Variants in ADGRB3 observed in about 807,000 individuals in gnomAD.
The protein encoded by ADGRB3 is adhesion G protein-coupled receptor B3.
Under a neutral mutation model 193.4 loss-of-function variants are expected in ADGRB3, and 37 were observed. The observed-to-expected ratio is 0.19, with a 90% CI of 0.15 to 0.25. The LOEUF is 0.25. Among genes scored for constraint, ADGRB3 ranks in the 10% least tolerant of loss-of-function variants. The pLI, the probability that ADGRB3 is intolerant of heterozygous loss-of-function variation, is 1.00. For synonymous variants in ADGRB3, 690 were observed against 644.2 expected, an observed-to-expected ratio of 1.07 and a Z score of -1.08; for missense variants, 1,637 against 1,852.9, an observed-to-expected ratio of 0.88 and a Z score of 2.14.
chr6:68,977,897 T>C (rs1276108538), intron 10 of ADGRB3, among the ~76,000 whole-genome samples: 1 of 151,574 alleles, frequency 6.6e-6, no homozygotes, highest in Non-Finnish European at 1.5e-5. Flanking sequence ...GCGCAATTGT[T>C]CCAAAACCTA....
chr6:69,004,974 C>T (rs1769704013), intron 11 of ADGRB3, among the ~76,000 whole-genome samples: 1 of 152,108 alleles, frequency 6.6e-6, no homozygotes, highest in Non-Finnish European at 1.5e-5. Context: ...GCAGGCTTCT[C>T]TCACATGGTG....
chr6:69,217,703 A>C (rs533075362), intron 17 of ADGRB3, among the ~76,000 whole-genome samples: 24 of 152,292 alleles, frequency 1.6e-4, no homozygotes, highest in Admixed American at 9.8e-4. Flanking sequence ...TGATGTAAGC[A>C]TGTTCTCTCC....
chr6:69,217,908 A>T (rs575647026), intron 17 of ADGRB3, among the ~76,000 whole-genome samples: 11 of 112,130 alleles, frequency 9.8e-5, no homozygotes, highest in African/African-American at 2.6e-4. Flanking sequence ...ATTCAGTTTT[A>T]AAAAAAACTA....
intron 23 of ADGRB3, chr6:69,332,531 A>T: frequency 1.0e-6 from 1 of 985,390 alleles, no homozygotes; most frequent in African/African-American, 1.7e-5. Context: ...CCCTAACCTC[A>T]TACTCTAAGA....
chr6:68,805,699 C>T (rs1767388889), intron 3 of ADGRB3, among the ~76,000 whole-genome samples: 1 of 152,166 alleles, frequency 6.6e-6, no homozygotes. Flanking sequence ...CTTTATATGG[C>T]ACATAAGGCT....
intron 17 of ADGRB3, among the ~76,000 whole-genome samples, chr6:69,188,826 A>G (rs994460502): frequency 6.6e-6 from 1 of 152,296 alleles, no homozygotes; most frequent in South Asian, 2.1e-4. Context: ...CTTTGTCTCC[A>G]TATATCTTTT....
chr6:68,690,768 A>C (rs1357144711), intron 3 of ADGRB3, among the ~76,000 whole-genome samples: 2 of 152,142 alleles, frequency 1.3e-5, no homozygotes, highest in Non-Finnish European at 2.9e-5. Context: ...TTAAACCTCT[A>C]ATCTGGTATA....
At chr6:69,050,108 C>T (rs530635508) in intron 15 of ADGRB3, among the ~76,000 whole-genome samples, 2 of 152,016 alleles carry the variant, frequency 1.3e-5, no homozygotes, top group Admixed American at 6.6e-5. Context: ...CTTTGTTATA[C>T]CCTCATAAAT....
chr6:68,800,685 G>A (rs1206727831), intron 3 of ADGRB3, among the ~76,000 whole-genome samples: 4 of 152,132 alleles, frequency 2.6e-5, no homozygotes, highest in African/African-American at 9.7e-5. Flanking sequence ...GCCTAAGGTC[G>A]TGTAGGCTAA....
intron 20 of ADGRB3, among the ~76,000 whole-genome samples, chr6:69,261,334 T>A (rs1235629637): frequency 6.6e-6 from 1 of 152,002 alleles, no homozygotes; most frequent in East Asian, 1.9e-4. Context: ...ATAAGCAGAA[T>A]GAAAAAACTT....
At chr6:69,377,089 T>C (rs529151714) in intron 30 of ADGRB3, among the ~76,000 whole-genome samples, 1 of 152,186 alleles carries the variant, frequency 6.6e-6, no homozygotes, top group East Asian at 1.9e-4. Flanking sequence ...ATCATCCCCC[T>C]TTCACAACAC....
At chr6:69,246,337 G>A (rs1451880925) in intron 20 of ADGRB3, among the ~76,000 whole-genome samples, 2 of 152,130 alleles carry the variant, frequency 1.3e-5, no homozygotes, top group African/African-American at 2.4e-5. Flanking sequence ...GACTTGCTAT[G>A]ACGTTTGTAA....
At chr6:69,348,107 C>T (rs1769143597) in intron 26 of ADGRB3, among the ~76,000 whole-genome samples, 2 of 152,234 alleles carry the variant, frequency 1.3e-5, no homozygotes, top group South Asian at 4.1e-4. Context: ...TTGATTTTCA[C>T]ACATGGTTCT....
At chr6:69,184,777 A>G (rs1765035197) in intron 17 of ADGRB3, among the ~76,000 whole-genome samples, 1 of 152,144 alleles carries the variant, frequency 6.6e-6, no homozygotes, top group Non-Finnish European at 1.5e-5. Context: ...ATGCTCTGAA[A>G]AAATATCCTT....
At chr6:69,341,105 A>G (rs531146348) in intron 26 of ADGRB3, among the ~76,000 whole-genome samples, 84 of 152,336 alleles carry the variant, frequency 5.5e-4, no homozygotes, top group African/African-American at 1.9e-3. Context: ...TAGGAGAATG[A>G]TGTATAATCC....
At chr6:69,318,849 ATATGTATAACTGTATATATATATATATG>A (rs1230532057) in intron 20 of ADGRB3, among the ~76,000 whole-genome samples, 1 of 131,246 alleles carries the variant, frequency 7.6e-6, no homozygotes, top group Non-Finnish European at 1.6e-5. Flanking sequence ...TATATATATA[ATATGTATAACTGTATATATATATATATG>A]TATGTATAAC....
At chr6:69,029,831 G>A (rs1582405485) in intron 13 of ADGRB3, among the ~76,000 whole-genome samples, 1 of 151,860 alleles carries the variant, frequency 6.6e-6, no homozygotes, top group Non-Finnish European at 1.5e-5. Flanking sequence ...TTTCTTACAT[G>A]TTAACACATA....
rs148827604 is a variant in ADGRB3 at position 68,763,405 on chromosome 6, T to C, written c.757+123973T>C. On this transcript the variant is annotated intron_variant, in intron 3 of 31. Transcript: ENST00000370598. ...GTGCCTGGCCACTTCTTTTAACTGTTATACTTTAATCATTGAAAAAGACAT... is the reference window on the plus strand; with the variant it reads ...GTGCCTGGCCACTTCTTTTAACTGTCATACTTTAATCATTGAAAAAGACAT... 2.3e-3 allele frequency among the ~76,000 whole-genome samples: 356 copies of C among 152,334 alleles called. 1 individual carries two copies. The highest frequency in any genetic ancestry group is 8.1e-3 in the African/African-American group (338 of 41,578).
At chr6:69,320,613 T>G (rs1239793046) in intron 20 of ADGRB3, among the ~76,000 whole-genome samples, 1 of 151,698 alleles carries the variant, frequency 6.6e-6, no homozygotes, top group Non-Finnish European at 1.5e-5. Flanking sequence ...GGGTGTAGAA[T>G]TCTATCTTCA....
Sources: gnomAD v4.1 joint callset for allele counts (sites outside exome capture counted in the v4.1 genomes callset) on GRCh38, gnomAD v4.1.1 for gene constraint, MANE v1.5 for transcripts, NCBI Gene and HGNC (gene_info 2026-07-23, HGNC 2026-07-21) for gene names.